Variants in SHISA9 observed in about 807,000 individuals in gnomAD.
SHISA9 encodes the protein shisa family member 9.
Under a neutral mutation model 38.0 loss-of-function variants are expected in SHISA9, and 13 were observed. That is an observed-to-expected ratio of 0.34 (90% CI 0.22 to 0.54). The LOEUF (loss-of-function observed/expected upper bound fraction) is 0.54, where lower values mean the gene tolerates loss of function less well. SHISA9 is among the 20% of genes least tolerant of loss of function. The pLI, the probability that SHISA9 is intolerant of heterozygous loss-of-function variation, is 0.91. For synonymous variants in SHISA9, 275 were observed against 242.0 expected (o/e 1.14, Z -1.27); for missense variants, 538 against 575.8 (o/e 0.93, Z 0.67).
At chr16:13,479,742 C>T in the SHISA9 span, among the ~76,000 whole-genome samples, 1 of 152,176 alleles carries the variant, frequency 6.6e-6, no homozygotes, top group African/African-American at 2.4e-5. Context: ...GAAATGACGT[C>T]ATGCATCCCA....
At chr16:13,072,664 TC>T (rs933235336) in intron 2 of SHISA9, among the ~76,000 whole-genome samples, 10 of 151,770 alleles carry the variant, frequency 6.6e-5, no homozygotes, top group Admixed American at 2.6e-4. Flanking sequence ...AAAAGTAAAA[TC>T]TTTTTTTTTT....
At chr16:13,067,736 C>G (rs2073451291) in intron 2 of SHISA9, among the ~76,000 whole-genome samples, 1 of 152,224 alleles carries the variant, frequency 6.6e-6, no homozygotes, top group South Asian at 2.1e-4. Context: ...CTGGCCTTTG[C>G]TCACGTCCCC....
intron 2 of SHISA9, among the ~76,000 whole-genome samples, chr16:13,028,062 T>A: frequency 6.6e-6 from 1 of 151,350 alleles, no homozygotes; most frequent in East Asian, 1.9e-4. Flanking sequence ...GGGGTGGGGG[T>A]AATTGACTGC....
intron 2 of SHISA9, among the ~76,000 whole-genome samples, chr16:13,004,943 GAA>G (rs59694628): frequency 9.6e-6 from 1 of 103,754 alleles, no homozygotes; most frequent in Admixed American, 1.1e-4. Context: ...TTAAGAAAAA[GAA>G]AAAAAAAAAA....
the SHISA9 span, among the ~76,000 whole-genome samples, chr16:13,438,962 G>A: frequency 1.3e-5 from 2 of 152,166 alleles, no homozygotes; most frequent in African/African-American, 4.8e-5. Flanking sequence ...TCATTCTTGG[G>A]ACATTTTACG....
chr16:13,274,891 G>A, the SHISA9 span, among the ~76,000 whole-genome samples: 4 of 152,080 alleles, frequency 2.6e-5, no homozygotes, highest in Admixed American at 1.3e-4. Flanking sequence ...TTGTCCTTTC[G>A]TCAAGCACAA....
the SHISA9 span, among the ~76,000 whole-genome samples, chr16:13,359,376 G>A: frequency 7.9e-5 from 12 of 152,274 alleles, no homozygotes; most frequent in South Asian, 2.1e-4. Context: ...CCAGGTACCC[G>A]GGAGGCTGAG....
At chr16:13,241,620 C>G (rs1406566657), downstream of SHISA9, among the ~76,000 whole-genome samples, 1 of 152,236 alleles carries the variant, frequency 6.6e-6, no homozygotes. Context: ...CAGGAACTCA[C>G]AGTGGCTGCC....
the SHISA9 span, among the ~76,000 whole-genome samples, chr16:13,562,350 C>A: frequency 7.2e-5 from 11 of 152,244 alleles, no homozygotes; most frequent in Middle Eastern, 3.4e-3. Context: ...TCATTCCTGG[C>A]CAGGCACAGT....
chr16:13,288,400 A>T, the SHISA9 span, among the ~76,000 whole-genome samples: 2 of 152,084 alleles, frequency 1.3e-5, no homozygotes, highest in African/African-American at 4.8e-5. Context: ...TTGTGTTTTC[A>T]CATGGGAGAC....
intron 2 of SHISA9, among the ~76,000 whole-genome samples, chr16:13,068,149 G>T (rs1403900590): frequency 1.3e-5 from 2 of 152,122 alleles, no homozygotes; most frequent in African/African-American, 4.8e-5. Context: ...CAACCTTCCT[G>T]TGCCTTGCTT....
At chr16:13,118,920 C>CG (rs2074058695) in intron 2 of SHISA9, among the ~76,000 whole-genome samples, 1 of 151,692 alleles carries the variant, frequency 6.6e-6, no homozygotes, top group Non-Finnish European at 1.5e-5. Context: ...TTAGTAGAGA[C>CG]GGGGTTTCTC....
At chr16:13,155,856 CT>C (rs1211542236) in intron 2 of SHISA9, among the ~76,000 whole-genome samples, 5 of 151,824 alleles carry the variant, frequency 3.3e-5, no homozygotes, top group Non-Finnish European at 7.4e-5. Flanking sequence ...GATTTCTCTG[CT>C]TTTTTTTCTT....
At chr16:13,004,650 CG>C (rs2072572330) in intron 2 of SHISA9, among the ~76,000 whole-genome samples, 1 of 151,880 alleles carries the variant, frequency 6.6e-6, no homozygotes, top group Non-Finnish European at 1.5e-5. Context: ...GTCTGCTAGG[CG>C]TGGTGGCTCA....
the SHISA9 span, among the ~76,000 whole-genome samples, chr16:13,245,539 C>T: frequency 6.6e-6 from 1 of 152,166 alleles, no homozygotes; most frequent in Admixed American, 6.5e-5. Context: ...TCAGCATTAG[C>T]TTTTGTTATG....
intron 2 of SHISA9, among the ~76,000 whole-genome samples, chr16:13,037,436 C>A (rs754946320): frequency 6.6e-6 from 1 of 151,798 alleles, no homozygotes; most frequent in Non-Finnish European, 1.5e-5. Flanking sequence ...TGGTTTTGCA[C>A]AGCATCTAAC....
At chr16:12,943,318 T>TGA (rs2071641735) in intron 2 of SHISA9, among the ~76,000 whole-genome samples, 1 of 26,402 alleles carries the variant, frequency 3.8e-5, no homozygotes, top group Non-Finnish European at 7.6e-5. Flanking sequence ...TGTGTGTGTG[T>TGA]GTGTGTGTGT....
the SHISA9 span, among the ~76,000 whole-genome samples, chr16:13,482,587 C>G: frequency 1.7e-3 from 254 of 152,148 alleles, no homozygotes; most frequent in African/African-American, 5.9e-3. Flanking sequence ...ATCACTGGAG[C>G]CCAGGAGTTC....
intron 2 of SHISA9, among the ~76,000 whole-genome samples, chr16:12,955,496 A>C (rs1291169406): frequency 7.8e-6 from 1 of 128,322 alleles, no homozygotes; most frequent in African/African-American, 2.8e-5. Context: ...AGGTGCCATG[A>C]GTTATTTATT....
Sources: allele counts gnomAD v4.1 joint callset (sites outside exome capture counted in the v4.1 genomes callset), GRCh38; gene constraint gnomAD v4.1.1; transcripts MANE v1.5; gene names NCBI Gene and HGNC (gene_info 2026-07-23, HGNC 2026-07-21).